The following NALF1 variants were observed in gnomAD, a reference collection of about 807,000 sequenced individuals.
NALF1 encodes NALCN channel auxiliary factor 1.
A neutral mutation model predicts 48.4 loss-of-function variants in NALF1; 3 were observed. The observed-to-expected ratio is 0.06, with a 90% CI of 0.03 to 0.16. The LOEUF (loss-of-function observed/expected upper bound fraction) is 0.16. Ranked by LOEUF, NALF1 falls within the 10% of genes least tolerant of loss-of-function variation. The pLI, the probability that NALF1 is intolerant of heterozygous loss-of-function variation, is 1.00. For missense variants in NALF1, 526 were observed against 571.5 expected (o/e 0.92, Z 0.81); for synonymous variants, 262 against 245.7 (o/e 1.07, Z -0.62).
chr13:107,449,065 G>A (rs1472387713), intron 1 of NALF1, among the ~76,000 whole-genome samples: 1 of 152,148 alleles, frequency 6.6e-6, no homozygotes, highest in Non-Finnish European at 1.5e-5. Flanking sequence ...CCAACATGGT[G>A]AAACCCCGTC....
chr13:107,621,405 G>T (rs948856060), intron 1 of NALF1, among the ~76,000 whole-genome samples: 28 of 152,148 alleles, frequency 1.8e-4, no homozygotes, highest in African/African-American at 6.3e-4. Flanking sequence ...GTGAGAAGAT[G>T]GCAAAAAAAT....
chr13:107,286,326 A>T (rs1037665604), intron 1 of NALF1, among the ~76,000 whole-genome samples: 3 of 152,152 alleles, frequency 2.0e-5, no homozygotes, highest in Admixed American at 2.0e-4. Flanking sequence ...CACAAGCATT[A>T]TTCACAATAG....
intron 1 of NALF1, among the ~76,000 whole-genome samples, chr13:107,591,818 C>A: frequency 6.6e-6 from 1 of 151,944 alleles, no homozygotes; most frequent in South Asian, 2.1e-4. Flanking sequence ...ATTGTCTGAA[C>A]ATTTTCCCTC....
chr13:107,255,340 T>A (rs1048153819), intron 1 of NALF1, among the ~76,000 whole-genome samples: 2 of 152,224 alleles, frequency 1.3e-5, no homozygotes, highest in African/African-American at 4.8e-5. Context: ...CATCTCTTTA[T>A]GTTTTAGTAT....
intron 1 of NALF1, among the ~76,000 whole-genome samples, chr13:107,332,337 ACAT>A (rs1882483535): frequency 6.6e-6 from 1 of 152,222 alleles, no homozygotes; most frequent in Non-Finnish European, 1.5e-5. Flanking sequence ...GAAGGGAATT[ACAT>A]CAACACTGCT....
rs61605163 is a variant in NALF1, at chr13:107,521,942, T to C, written c.916-311187A>G. ...TTCAACTTACACACACACACACACA[T>C]ACACACACACACACACACAGAAACA... On this transcript the variant is annotated intron_variant, in intron 1 of 2. Transcript: ENST00000375915. 5.5e-4 allele frequency among the ~76,000 whole-genome samples: 81 copies of C among 146,334 alleles called. No homozygotes were observed. In the South Asian group the frequency reaches 8.5e-3, roughly 15 times the overall value.
chr13:107,308,321 C>T (rs1881980099), intron 1 of NALF1, among the ~76,000 whole-genome samples: 1 of 151,162 alleles, frequency 6.6e-6, no homozygotes, highest in Non-Finnish European at 1.5e-5. Flanking sequence ...CCTGCCTCAG[C>T]CTCCTGAGTA....
chr13:107,475,246 C>T (rs1055736694), intron 1 of NALF1, among the ~76,000 whole-genome samples: 1 of 152,142 alleles, frequency 6.6e-6, no homozygotes, highest in South Asian at 2.1e-4. Context: ...TTCAATTCTG[C>T]GTATAGCATT....
intron 1 of NALF1, among the ~76,000 whole-genome samples, chr13:107,563,148 G>GA (rs965017417): frequency 2.6e-5 from 4 of 151,994 alleles, no homozygotes; most frequent in South Asian, 4.1e-4. Context: ...TTTGAGCAGT[G>GA]AAAAAAAATG....
intron 1 of NALF1, among the ~76,000 whole-genome samples, chr13:107,446,478 T>A (rs1312986073): frequency 6.6e-6 from 1 of 152,024 alleles, no homozygotes; most frequent in Non-Finnish European, 1.5e-5. Context: ...GATACTGTGC[T>A]CGTTACTTTC....
chr13:107,384,102 A>T (rs1883485625), intron 1 of NALF1, among the ~76,000 whole-genome samples: 1 of 152,092 alleles, frequency 6.6e-6, no homozygotes, highest in Admixed American at 6.5e-5. Context: ...TTCTTTAAAA[A>T]ATTAGCCAGG....
intron 1 of NALF1, among the ~76,000 whole-genome samples, chr13:107,211,398 G>A (rs1879758776): frequency 6.6e-6 from 1 of 152,186 alleles, no homozygotes; most frequent in Non-Finnish European, 1.5e-5. Context: ...GGGAGTAGGA[G>A]GGAAGCCTCA....
intron 1 of NALF1, among the ~76,000 whole-genome samples, chr13:107,582,550 T>C (rs1287024283): frequency 3.3e-5 from 5 of 152,274 alleles, no homozygotes; most frequent in Admixed American, 3.3e-4. Context: ...GCCAGTTGAA[T>C]TTGGGGCAGG....
chr13:107,500,847 T>C (rs1268261795), intron 1 of NALF1, among the ~76,000 whole-genome samples: 12 of 150,774 alleles, frequency 8.0e-5, no homozygotes, highest in African/African-American at 2.2e-4. Context: ...AGCAAACTAT[T>C]GCAAGAACAA....
rs1309700045 is a variant in NALF1, at chr13:107,521,481, T to A, written c.916-310726A>T. ...AGTCCTGATAAAATGTTTTCTTTCA[T>A]TATAGTTTCATACAAAACGGTATAT... On this transcript the variant is annotated intron_variant, in intron 1 of 2. Coordinates refer to ENST00000375915, the MANE Select transcript of NALF1 (RefSeq NM_001080396.3). 2.0e-5 allele frequency among the ~76,000 whole-genome samples: 3 copies of A among 152,340 alleles called. No homozygotes were observed. The East Asian group carries it at 5.8e-4, about 29-fold the overall frequency.
At chr13:107,521,123 GA>G (rs1212315534) in intron 1 of NALF1, among the ~76,000 whole-genome samples, 39 of 152,140 alleles carry the variant, frequency 2.6e-4, no homozygotes, top group Admixed American at 2.5e-3. Context: ...AAACTCACTG[GA>G]TAAAATGCCT....
chr13:107,256,375 G>T lies in NALF1; in HGVS notation c.916-45620C>A, dbSNP rs374213218. 2.7e-4 allele frequency among the ~76,000 whole-genome samples: 41 copies of T among 152,188 alleles called. 1 individual carries two copies. Among genetic ancestry groups the T allele is most frequent in the African/African-American group, 9.6e-4 (40 of 41,548 alleles). ...CCATAACGGGAGTATTTACACCACA[G>T]AAACTGGCAAAAAAATATAGATCAG... is the stretch of plus-strand genomic sequence containing the variant. On this transcript the variant is annotated intron_variant, in intron 1 of 2. Coordinates refer to ENST00000375915, the MANE Select transcript of NALF1 (RefSeq NM_001080396.3).
rs184896388 is a variant in NALF1 at position 107,529,322 on chromosome 13, G to C, written c.916-318567C>G. On this transcript the variant is annotated intron_variant, in intron 1 of 2. Coordinates refer to ENST00000375915, the MANE Select transcript of NALF1 (RefSeq NM_001080396.3). ...GTATTAACAAGTTGTATGACTTTCA[G>C]AATCACTTCACCGATCCAGGCCTTC... Among the ~76,000 whole-genome samples, 16 of 152,250 alleles carry C rather than the reference G, an allele frequency of 1.1e-4. No individual in the cohort carries two copies. In the East Asian group the frequency reaches 3.1e-3, roughly 29 times the overall value.
At chr13:107,348,548 A>C (rs935368140) in intron 1 of NALF1, among the ~76,000 whole-genome samples, 3 of 152,028 alleles carry the variant, frequency 2.0e-5, no homozygotes, top group Non-Finnish European at 4.4e-5. Context: ...CTAGGTTTTA[A>C]GCTCCATATG....
Sources: allele counts gnomAD v4.1 joint callset (sites outside exome capture counted in the v4.1 genomes callset), GRCh38; gene constraint gnomAD v4.1.1; transcripts MANE v1.5; gene names NCBI Gene and HGNC (gene_info 2026-07-23, HGNC 2026-07-21).